SORT1: variants seen among roughly 807,000 people sequenced by gnomAD.
SORT1 encodes the protein sortilin.
A neutral mutation model predicts 101.7 loss-of-function variants in SORT1; 39 were observed. The ratio of observed to expected loss-of-function variants is 0.38; its 90% confidence interval spans 0.30 to 0.50. SORT1 has a LOEUF of 0.50. Among genes scored for constraint, SORT1 ranks in the 20% least tolerant of loss-of-function variants. The pLI, the probability that SORT1 is intolerant of heterozygous loss-of-function variation, is 0.90. For synonymous variants in SORT1, 396 were observed against 393.7 expected (o/e 1.01, Z -0.07); for missense variants, 878 against 1,040.4 (o/e 0.84, Z 2.15).
intron 5 of SORT1, 55 bp downstream of exon 5, chr1:109,354,312 T>C: frequency 7.4e-7 from 1 of 1,359,828 alleles, no homozygotes; most frequent in East Asian, 2.3e-5. Flanking sequence ...TCTAAGACAG[T>C]ACATTTGAGA....
intron 5 of SORT1, among the ~76,000 whole-genome samples, chr1:109,351,445 G>A (rs1649953731): frequency 6.6e-6 from 1 of 152,214 alleles, no homozygotes; most frequent in Non-Finnish European, 1.5e-5. Flanking sequence ...TTTAAATGAT[G>A]AGCAGTGGGA....
intron 9 of SORT1, 68 bp downstream of exon 9, chr1:109,341,946 T>C: frequency 6.8e-7 from 1 of 1,472,236 alleles, no homozygotes; most frequent in South Asian, 1.1e-5. Context: ...ACTCGACATG[T>C]AAAAATAAAA....
chr1:109,397,472 A>G, intron 1 of SORT1, 115 bp downstream of exon 1: 1 of 688,204 alleles, frequency 1.5e-6, no homozygotes, highest in Non-Finnish European at 1.8e-6. Context: ...GGCCCGGGGG[A>G]CGCGGGCGCG....
chr1:109,363,709 A>G (rs540719959), intron 3 of SORT1, among the ~76,000 whole-genome samples: 2 of 152,344 alleles, frequency 1.3e-5, no homozygotes, highest in South Asian at 2.1e-4. Flanking sequence ...CTTTAACCAT[A>G]TAAGATTTAG....
chr1:109,322,099 T>A (rs549317657), intron 15 of SORT1, among the ~76,000 whole-genome samples: 133 of 151,566 alleles, frequency 8.8e-4, no homozygotes, highest in African/African-American at 3.0e-3. Context: ...TCTTTTTCTT[T>A]CTTTCTGTTT....
chr1:109,346,143 G>A (rs1294057965), intron 7 of SORT1, among the ~76,000 whole-genome samples: 2 of 150,190 alleles, frequency 1.3e-5, no homozygotes, highest in East Asian at 2.0e-4. Flanking sequence ...AACCCCATCT[G>A]TACTAAAAAT....
Position 109,313,924 on chromosome 1 carries a change from A to G in SORT1, c.*119T>C. 4.2e-6 allele frequency: 4 copies of G among 945,624 alleles called. No homozygotes were observed. The South Asian group carries it at 6.2e-5, about 15-fold the overall frequency. The allele number at this position is 945,624 out of a possible 1,614,324, so 58.6% of individuals were successfully genotyped here. On this transcript the variant is annotated 3_prime_UTR_variant, in exon 20 of 20. Coordinates refer to ENST00000256637, the MANE Select transcript of SORT1 (RefSeq NM_002959.7). ...AGGTCCTTTTGGCTTTGATGGAAGC[A>G]GCAGAAACAGAGCTGGGTCCCTCGC...
Position 109,309,751 on chromosome 1 carries a change from G to A in SORT1, c.*4292C>T, listed in dbSNP as rs952484171. The A allele has an allele frequency of 1.3e-5, 2 of 152,144 alleles. No homozygotes were observed. The highest frequency in any genetic ancestry group is 2.4e-5 in the African/African-American group (1 of 41,396). 9.4% of individuals were successfully genotyped at this position (152,144 alleles called of 1,614,324 possible). ...GGTCTGGCTTTAATGTGTAACTGAC[G>A]TGGGTCACTGAAACTCGATTATCCC... On this transcript the variant is annotated 3_prime_UTR_variant, in exon 20 of 20. Transcript: ENST00000256637.
intron 2 of SORT1, chr1:109,368,899 C>G (rs1282997040): frequency 6.6e-6 from 1 of 152,326 alleles, no homozygotes; most frequent in Non-Finnish European, 1.5e-5. Context: ...TAGGGGTTTC[C>G]CCAAGCATTG....
At chr1:109,375,753 A>C (rs1651792861) in intron 1 of SORT1, among the ~76,000 whole-genome samples, 1 of 152,108 alleles carries the variant, frequency 6.6e-6, no homozygotes, top group Non-Finnish European at 1.5e-5. Context: ...ACATACAGAG[A>C]AACAAAGAAT....
intron 13 of SORT1, among the ~76,000 whole-genome samples, chr1:109,326,118 T>C (rs2101548402): frequency 6.7e-6 from 1 of 149,378 alleles, no homozygotes; most frequent in South Asian, 2.1e-4. Flanking sequence ...AGTGGTACGA[T>C]CTCAGCTCAC....
At position 109,313,130 on chromosome 1, in the gene SORT1, A is replaced by G. The variant is rs459533; in HGVS notation, c.*913T>C. On this transcript the variant is annotated 3_prime_UTR_variant, in exon 20 of 20. Transcript: ENST00000256637. ...CCGTCTTCGGGGGTTCACACTGTGT[A>G]CCCGACAATCAACTCTAGGGAAGAG... 626 of 152,400 alleles carry G rather than the reference A, an allele frequency of 4.1e-3. 3 individuals carry two copies. The highest frequency in any genetic ancestry group is 6.9e-3 in the Non-Finnish European group (469 of 68,038). 9.4% of individuals were successfully genotyped at this position (152,400 alleles called of 1,614,324 possible). A position where few individuals can be genotyped will look rare whatever the true frequency, so the allele number is the denominator to read the frequency against.
At chr1:109,348,511 C>T (rs10127790) in intron 6 of SORT1, among the ~76,000 whole-genome samples, 97,271 of 151,996 alleles carry the variant, frequency 0.64, 32,984 homozygotes, top group East Asian at 0.96. Context: ...ATTTAAGTGA[C>T]GGAGTCTTGC....
intron 3 of SORT1, among the ~76,000 whole-genome samples, chr1:109,363,102 A>T (rs1650838015): frequency 6.6e-6 from 1 of 152,234 alleles, no homozygotes; most frequent in South Asian, 2.1e-4. Context: ...GCAATTCTCA[A>T]TAGAAACACC....
intron 15 of SORT1, among the ~76,000 whole-genome samples, chr1:109,322,419 A>C (rs1647694456): frequency 6.6e-6 from 1 of 152,090 alleles, no homozygotes; most frequent in African/African-American, 2.4e-5. Context: ...CTGCCCAATA[A>C]TTAACTGTCT....
At chr1:109,372,395 C>T (rs1273907566) in intron 1 of SORT1, among the ~76,000 whole-genome samples, 4 of 152,092 alleles carry the variant, frequency 2.6e-5, no homozygotes, top group Admixed American at 6.6e-5. Flanking sequence ...ACAGTGGGCA[C>T]GCAATAAATA....
chr1:109,328,853 G>C (rs1409563711), intron 11 of SORT1, among the ~76,000 whole-genome samples: 1 of 152,180 alleles, frequency 6.6e-6, no homozygotes, highest in East Asian at 1.9e-4. Flanking sequence ...CACTCTCACA[G>C]ACCCAGCCAA....
At chr1:109,349,583 T>C (rs192701840) in intron 6 of SORT1, among the ~76,000 whole-genome samples, 2 of 151,776 alleles carry the variant, frequency 1.3e-5, no homozygotes, top group East Asian at 2.0e-4. Context: ...CTGGGCAACA[T>C]AGTGAGACCC....
chr1:109,373,165 A>G (rs1412317798), intron 1 of SORT1, among the ~76,000 whole-genome samples: 7 of 152,172 alleles, frequency 4.6e-5, no homozygotes, highest in Non-Finnish European at 1.0e-4. Flanking sequence ...AAAGACAAGG[A>G]ACTGAACAAG....
Sources: allele counts gnomAD v4.1 joint callset (sites outside exome capture counted in the v4.1 genomes callset), GRCh38; gene constraint gnomAD v4.1.1; transcripts MANE v1.5; gene names NCBI Gene and HGNC (gene_info 2026-07-23, HGNC 2026-07-21).